The following CSMD2 variants were observed in gnomAD, a reference collection of about 807,000 sequenced individuals.
CSMD2 encodes CUB and sushi domain-containing protein 2.
CSMD2 carries 130 observed loss-of-function variants against 398.5 expected under a neutral mutation model. That is an observed-to-expected ratio of 0.33 (90% CI 0.28 to 0.38). The LOEUF is 0.38. Among genes scored for constraint, CSMD2 ranks in the 10% least tolerant of loss-of-function variants. The pLI is 1.00. For synonymous variants in CSMD2, 1,828 were observed against 1,908.5 expected (o/e 0.96, Z 1.10); for missense variants, 3,829 against 4,764.9 (o/e 0.80, Z 5.78).
At chr1:34,162,043 G>A (rs1055371572) in intron 1 of CSMD2, among the ~76,000 whole-genome samples, 4 of 151,928 alleles carry the variant, frequency 2.6e-5, no homozygotes, top group South Asian at 2.1e-4. Context: ...ATGGTGGCAT[G>A]CGCCTGTAAT....
At chr1:33,587,845 C>T (rs934485780) in intron 44 of CSMD2, among the ~76,000 whole-genome samples, 2 of 152,190 alleles carry the variant, frequency 1.3e-5, no homozygotes, top group Non-Finnish European at 2.9e-5. Context: ...GGCTCATAAC[C>T]TGGCTTTTAT....
chr1:33,888,611 A>G (rs1188675038), intron 5 of CSMD2, among the ~76,000 whole-genome samples: 2 of 152,232 alleles, frequency 1.3e-5, no homozygotes, highest in African/African-American at 4.8e-5. Flanking sequence ...CACAGATTAA[A>G]TAGCTAAATG....
At chr1:34,158,786 G>A (rs1186206667) in intron 1 of CSMD2, among the ~76,000 whole-genome samples, 5 of 152,146 alleles carry the variant, frequency 3.3e-5, no homozygotes, top group Admixed American at 6.5e-5. Flanking sequence ...GTTTAATCCC[G>A]CCTTCTTTAC....
At chr1:33,547,215 C>T (rs1338600818) in intron 56 of CSMD2, among the ~76,000 whole-genome samples, 1 of 152,128 alleles carries the variant, frequency 6.6e-6, no homozygotes, top group African/African-American at 2.4e-5. Context: ...CAAGAGACCT[C>T]CAAGGACCCA....
At chr1:33,783,624 G>T (rs1653118069) in intron 12 of CSMD2, among the ~76,000 whole-genome samples, 1 of 152,110 alleles carries the variant, frequency 6.6e-6, no homozygotes, top group Admixed American at 6.5e-5. Context: ...AGAAAACGGG[G>T]TGCTGTTCTG....
At chr1:33,955,180 T>G (rs1645126476) in intron 3 of CSMD2, among the ~76,000 whole-genome samples, 1 of 152,196 alleles carries the variant, frequency 6.6e-6, no homozygotes, top group African/African-American at 2.4e-5. Flanking sequence ...TTATTCATCA[T>G]CAAGGAGCTG....
intron 22 of CSMD2, 149 bp downstream of exon 22, chr1:33,708,940 C>T: frequency 3.1e-6 from 2 of 650,538 alleles, no homozygotes. Flanking sequence ...TCTTTTGGTC[C>T]TCTCTTTCTC....
At chr1:33,783,898 G>C (rs967537207) in intron 12 of CSMD2, among the ~76,000 whole-genome samples, 4 of 152,044 alleles carry the variant, frequency 2.6e-5, no homozygotes, top group Non-Finnish European at 1.5e-5. Flanking sequence ...TTATTTGAGG[G>C]GCGAAGCCCA....
At chr1:33,620,505 G>A (rs1196268668) in intron 37 of CSMD2, among the ~76,000 whole-genome samples, 3 of 151,868 alleles carry the variant, frequency 2.0e-5, no homozygotes, top group Non-Finnish European at 2.9e-5. Flanking sequence ...GAGAAGAGGT[G>A]GATTTTTTTC....
At chr1:33,731,440 C>T (rs505996) in intron 15 of CSMD2, among the ~76,000 whole-genome samples, 56,430 of 151,696 alleles carry the variant, frequency 0.37, 12,429 homozygotes, top group African/African-American at 0.63. Context: ...AAGATATTCT[C>T]GCTAAAAAAA....
chr1:33,652,016 G>C (rs190261863), intron 28 of CSMD2, among the ~76,000 whole-genome samples: 121 of 152,206 alleles, frequency 7.9e-4, no homozygotes, highest in African/African-American at 2.7e-3. Flanking sequence ...GCAGAGGGCA[G>C]GGCAAGGGCA....
At chr1:33,765,095 T>C (rs1485194205) in intron 13 of CSMD2, among the ~76,000 whole-genome samples, 2 of 152,228 alleles carry the variant, frequency 1.3e-5, no homozygotes, top group African/African-American at 2.4e-5. Context: ...AAAACATGTG[T>C]CTGGATATGA....
intron 10 of CSMD2, among the ~76,000 whole-genome samples, chr1:33,799,835 T>G (rs992731472): frequency 5.3e-5 from 8 of 152,240 alleles, no homozygotes; most frequent in African/African-American, 1.4e-4. Context: ...ACTTTTGGTA[T>G]GTGGAGAAAA....
chr1:33,668,312 C>T (rs1184704551), intron 25 of CSMD2, among the ~76,000 whole-genome samples: 1 of 152,036 alleles, frequency 6.6e-6, no homozygotes, highest in Non-Finnish European at 1.5e-5. Flanking sequence ...TGACAGGTTC[C>T]GATTTACATT....
At chr1:33,965,302 C>G (rs1392161409) in intron 3 of CSMD2, among the ~76,000 whole-genome samples, 1 of 152,186 alleles carries the variant, frequency 6.6e-6, no homozygotes, top group Admixed American at 6.5e-5. Context: ...ATTTGCAGGG[C>G]CTCATCATTC....
chr1:33,632,217 A>G (rs1311866864), intron 32 of CSMD2, among the ~76,000 whole-genome samples: 1 of 152,084 alleles, frequency 6.6e-6, no homozygotes, highest in Non-Finnish European at 1.5e-5. Context: ...ACAGAGGAAT[A>G]TTTATTTGAC....
intron 7 of CSMD2, among the ~76,000 whole-genome samples, chr1:33,822,905 G>C (rs1658321151): frequency 6.6e-6 from 1 of 152,142 alleles, no homozygotes; most frequent in Non-Finnish European, 1.5e-5. Flanking sequence ...AGTCAACCCT[G>C]TGACCCACGA....
At chr1:33,925,076 T>C (rs1400193183) in intron 4 of CSMD2, among the ~76,000 whole-genome samples, 1 of 152,194 alleles carries the variant, frequency 6.6e-6, no homozygotes, top group Non-Finnish European at 1.5e-5. Context: ...TGTCTATTTG[T>C]GTTTTTGTTG....
At position 33,519,454 on chromosome 1, in the gene CSMD2, C is replaced by A; in HGVS notation, c.*53+11G>T. On this transcript the variant is annotated intron_variant, in intron 70 of 70. Coordinates refer to ENST00000373381, the MANE Select transcript of CSMD2 (RefSeq NM_001281956.2). The surrounding 1 kb of genome is among the most constrained non-coding windows in gnomAD (Gnocchi z 5.6). ...TGTCATGGCCTGTCTTCCTCCCACACCCCTGCTCACCGGCTGCTGGAGGCG... is the reference window on the plus strand; with the variant it reads ...TGTCATGGCCTGTCTTCCTCCCACAACCCTGCTCACCGGCTGCTGGAGGCG... 1.3e-6 allele frequency: 2 copies of A among 1,544,168 alleles called. No individual in the cohort carries two copies. Among genetic ancestry groups the A allele is most frequent in the Non-Finnish European group, 1.8e-6 (2 of 1,125,548 alleles).
Sources: gnomAD v4.1 joint callset for allele counts (sites outside exome capture counted in the v4.1 genomes callset) on GRCh38, gnomAD v4.1.1 for gene constraint, Gnocchi (gnomAD v3.1) non-coding constraint, MANE v1.5 for transcripts, NCBI Gene and HGNC (gene_info 2026-07-23, HGNC 2026-07-21) for gene names.